COQ5: variants seen among roughly 807,000 people sequenced by gnomAD.
COQ5 encodes coenzyme Q5, methyltransferase.
COQ5 carries 27 observed loss-of-function variants against 40.5 expected under a neutral mutation model. The observed-to-expected ratio is 0.67, with a 90% CI of 0.49 to 0.92. COQ5 has a LOEUF of 0.92. Among genes scored for constraint, COQ5 ranks in the 40% least tolerant of loss-of-function variants. COQ5 has a pLI of 0.00. For missense variants in COQ5, 409 were observed against 406.4 expected (o/e 1.01, Z -0.06); for synonymous variants, 141 against 150.0 (o/e 0.94, Z 0.44).
At chr12:120,524,548 C>T (rs2137093503) in intron 1 of COQ5, among the ~76,000 whole-genome samples, 1 of 152,310 alleles carries the variant, frequency 6.6e-6, no homozygotes, top group East Asian at 1.9e-4. Context: ...GCGTGAGCCA[C>T]CACGCCCGGC....
intron 1 of COQ5, among the ~76,000 whole-genome samples, chr12:120,524,911 C>A (rs376587976): frequency 6.6e-6 from 1 of 150,924 alleles, no homozygotes; most frequent in South Asian, 2.1e-4. Flanking sequence ...CTCCGCCTCC[C>A]GGCAATTCTC....
At chr12:120,519,537 G>A (rs1215157556) in intron 2 of COQ5, among the ~76,000 whole-genome samples, 1 of 151,718 alleles carries the variant, frequency 6.6e-6, no homozygotes, top group Non-Finnish European at 1.5e-5. Context: ...TCCAGCCGGG[G>A]CAACAGAGCA....
intron 2 of COQ5, among the ~76,000 whole-genome samples, chr12:120,517,936 T>TGGCTGGGATCAGGA (rs1169887707): frequency 3.0e-4 from 45 of 151,892 alleles, no homozygotes; most frequent in Non-Finnish European, 6.3e-4. Context: ...GCCTCCCAAG[T>TGGCTGGGATCAGGA]GGCTGGGATC....
intron 4 of COQ5, among the ~76,000 whole-genome samples, chr12:120,506,401 C>T (rs1868881898): frequency 6.6e-6 from 1 of 151,078 alleles, no homozygotes; most frequent in Non-Finnish European, 1.5e-5. Context: ...GAGTCTCGCT[C>T]TGTCACCCAG....
chr12:120,522,101 G>T (rs1332120038), intron 2 of COQ5, 113 bp downstream of exon 2: 4 of 1,083,946 alleles, frequency 3.7e-6, no homozygotes, highest in African/African-American at 3.1e-5. Flanking sequence ...TAAGTATGCA[G>T]ATTTTCAATC....
intron 4 of COQ5, among the ~76,000 whole-genome samples, chr12:120,505,283 C>T (rs1259837619): frequency 6.6e-6 from 1 of 152,174 alleles, no homozygotes; most frequent in East Asian, 1.9e-4. Context: ...AATGGATATC[C>T]TCTCTGATAA....
intron 4 of COQ5, among the ~76,000 whole-genome samples, chr12:120,505,684 G>A (rs1468972594): frequency 6.6e-6 from 1 of 151,862 alleles, no homozygotes; most frequent in East Asian, 1.9e-4. Flanking sequence ...AGCCTCCCGA[G>A]TAGCTAGGAT....
chr12:120,513,538 CT>C lies in COQ5; in HGVS notation c.574+3028del, dbSNP rs756768156. Among the ~76,000 whole-genome samples, 413 of 139,578 alleles carry C rather than the reference CT, an allele frequency of 3.0e-3. 2 individuals carry two copies. The highest frequency in any genetic ancestry group is 7.1e-3 in the African/African-American group (272 of 38,538). The allele number at this position is 139,578 out of a possible 152,430, so 91.6% of individuals were successfully genotyped here. A position where few individuals can be genotyped will look rare whatever the true frequency, so the allele number is the denominator to read the frequency against. The stretch of plus-strand genomic sequence containing the variant: ...AAAAAGTAGTTAAGTTACACATTAA[CT>C]TTTTTTTTTTTTTTGAGACAGAGCC... On this transcript the variant is annotated intron_variant, in intron 3 of 6. Transcript: ENST00000288532.
chr12:120,513,339 TA>T (rs1869224753), intron 3 of COQ5, among the ~76,000 whole-genome samples: 1 of 150,148 alleles, frequency 6.7e-6, no homozygotes, highest in Non-Finnish European at 1.5e-5. Context: ...CCATCTCTAC[TA>T]AAAATACAAA....
At chr12:120,508,658 T>TGGGAGA (rs1868990179) in intron 4 of COQ5, among the ~76,000 whole-genome samples, 1 of 152,178 alleles carries the variant, frequency 6.6e-6, no homozygotes, top group African/African-American at 2.4e-5. Context: ...AAGCACTGAA[T>TGGGAGA]GGGAGAGGAG....
chr12:120,523,480 G>T, intron 1 of COQ5: 1 of 301,684 alleles, frequency 3.3e-6, no homozygotes, highest in South Asian at 3.5e-5. Context: ...GCTCCCCGCT[G>T]CTGCTCCTAA....
intron 3 of COQ5, 28 bp downstream of exon 3, chr12:120,516,539 C>T: frequency 6.7e-7 from 1 of 1,501,936 alleles, no homozygotes; most frequent in Non-Finnish European, 9.3e-7. Flanking sequence ...CAAATACTTC[C>T]CCTGTGTCTG....
chr12:120,520,706 G>A (rs1869606001), intron 2 of COQ5, among the ~76,000 whole-genome samples: 1 of 151,884 alleles, frequency 6.6e-6, no homozygotes, highest in South Asian at 2.1e-4. Flanking sequence ...CCTAACCTCA[G>A]GTGATCCTCC....
At chr12:120,506,517 C>A (rs577761683) in intron 4 of COQ5, among the ~76,000 whole-genome samples, 1 of 151,954 alleles carries the variant, frequency 6.6e-6, no homozygotes, top group Non-Finnish European at 1.5e-5. Context: ...CAGGTACATG[C>A]CACCACACCC....
At chr12:120,523,949 G>A (rs182094254) in intron 1 of COQ5, 25 of 417,326 alleles carry the variant, frequency 6.0e-5, no homozygotes, top group South Asian at 3.9e-4. Flanking sequence ...GGTAGAGGTT[G>A]CAGTGAGCTG....
At chr12:120,509,877 G>A in intron 4 of COQ5, 140 bp downstream of exon 4, 1 of 703,440 alleles carries the variant, frequency 1.4e-6, no homozygotes, top group Non-Finnish European at 2.6e-6. Flanking sequence ...CTTGAGCCCA[G>A]GAGTTTGAGA....
chr12:120,522,164 T>A (rs1869692351), intron 2 of COQ5, 50 bp downstream of exon 2: 1 of 1,605,974 alleles, frequency 6.2e-7, no homozygotes, highest in African/African-American at 1.3e-5. Flanking sequence ...AGAGACTAAT[T>A]TCTGTAAAAC....
intron 3 of COQ5, among the ~76,000 whole-genome samples, chr12:120,512,069 A>G (rs1397705775): frequency 6.6e-6 from 1 of 151,818 alleles, no homozygotes; most frequent in Non-Finnish European, 1.5e-5. Flanking sequence ...AATTAGCCAG[A>G]CGTGGTGGTG....
At chr12:120,515,925 T>C (rs945943870) in intron 3 of COQ5, among the ~76,000 whole-genome samples, 2 of 152,162 alleles carry the variant, frequency 1.3e-5, no homozygotes, top group East Asian at 3.9e-4. Context: ...TCTTTTTTTA[T>C]TGTTTAAGTT....
Sources: gnomAD v4.1 joint callset for allele counts (sites outside exome capture counted in the v4.1 genomes callset) on GRCh38, gnomAD v4.1.1 for gene constraint, MANE v1.5 for transcripts, NCBI Gene and HGNC (gene_info 2026-07-23, HGNC 2026-07-21) for gene names.